Variants in ASIC2 observed in about 807,000 individuals in gnomAD.
The protein encoded by ASIC2 is acid-sensing ion channel 2.
Under a neutral mutation model 57.3 loss-of-function variants are expected in ASIC2, and 25 were observed. The observed-to-expected ratio is 0.44, with a 90% CI of 0.32 to 0.61. The LOEUF (loss-of-function observed/expected upper bound fraction) is 0.61. Ranked by LOEUF, ASIC2 falls within the 20% of genes least tolerant of loss-of-function variation. ASIC2 has a pLI of 0.06. For synonymous variants in ASIC2, 319 were observed against 307.5 expected, an observed-to-expected ratio of 1.04 and a Z score of -0.39; for missense variants, 641 against 738.1, an observed-to-expected ratio of 0.87 and a Z score of 1.52.
chr17:33,892,217 T>A lies in ASIC2; in HGVS notation c.555+263761A>T, dbSNP rs11867369. Reference sequence around the variant, plus strand: ...AAATAAATAATGTAATTTCACAGAATGGTGAGATCTGTAAAGGAAACAGAA... The same window carrying A: ...AAATAAATAATGTAATTTCACAGAAAGGTGAGATCTGTAAAGGAAACAGAA... On this transcript the variant is annotated intron_variant, in intron 1 of 9. Coordinates refer to the ASIC2 transcript ENST00000359872. Among the ~76,000 whole-genome samples, 74 of 152,194 alleles carry A rather than the reference T, an allele frequency of 4.9e-4. 3 individuals carry two copies. The highest frequency in any genetic ancestry group is 4.8e-3 in the Admixed American group (74 of 15,288).
At chr17:33,195,739 G>A (rs1030934093) in intron 1 of ASIC2, among the ~76,000 whole-genome samples, 1 of 152,172 alleles carries the variant, frequency 6.6e-6, no homozygotes, top group Non-Finnish European at 1.5e-5. Context: ...ATGGCTTGCC[G>A]AAGGTCATGC....
At chr17:33,942,005 C>T (rs546250697) in intron 1 of ASIC2, among the ~76,000 whole-genome samples, 4 of 152,256 alleles carry the variant, frequency 2.6e-5, no homozygotes, top group Admixed American at 6.5e-5. Flanking sequence ...CTAGAATATA[C>T]GTGTACCGGG....
chr17:33,870,927 G>C (rs1290266532), intron 1 of ASIC2, among the ~76,000 whole-genome samples: 1 of 152,246 alleles, frequency 6.6e-6, no homozygotes, highest in Non-Finnish European at 1.5e-5. Context: ...GAGCTAGAGA[G>C]ATAAGACCTT....
chr17:33,826,742 G>A (rs1189904821), intron 1 of ASIC2, among the ~76,000 whole-genome samples: 1 of 152,148 alleles, frequency 6.6e-6, no homozygotes, highest in Non-Finnish European at 1.5e-5. Flanking sequence ...CATGTTCTAG[G>A]GGTGGAGTAG....
At chr17:33,323,106 T>A (rs1251590941) in intron 1 of ASIC2, among the ~76,000 whole-genome samples, 1 of 152,194 alleles carries the variant, frequency 6.6e-6, no homozygotes, top group Non-Finnish European at 1.5e-5. Flanking sequence ...TTAGTACAAC[T>A]GTTTTGGAAA....
intron 1 of ASIC2, among the ~76,000 whole-genome samples, chr17:33,868,901 T>C (rs1007862640): frequency 5.3e-5 from 8 of 152,054 alleles, no homozygotes; most frequent in African/African-American, 1.9e-4. Context: ...TTGTCTCTAC[T>C]AAAAATTAAA....
chr17:33,388,123 A>AC (rs1410904788), intron 1 of ASIC2, among the ~76,000 whole-genome samples: 6 of 142,002 alleles, frequency 4.2e-5, no homozygotes, highest in African/African-American at 2.6e-5. Flanking sequence ...AACAACAACA[A>AC]AACAAACAAA....
chr17:34,121,852 T>A (rs1472234666), intron 1 of ASIC2, among the ~76,000 whole-genome samples: 1 of 152,248 alleles, frequency 6.6e-6, no homozygotes, highest in African/African-American at 2.4e-5. Context: ...CTTCTCTTGT[T>A]CACATAACAA....
At chr17:33,726,816 T>G (rs946006446) in intron 1 of ASIC2, among the ~76,000 whole-genome samples, 2 of 152,194 alleles carry the variant, frequency 1.3e-5, no homozygotes, top group East Asian at 3.8e-4. Flanking sequence ...TAAAATTATT[T>G]GGAAAGGTGT....
intron 1 of ASIC2, among the ~76,000 whole-genome samples, chr17:33,962,700 C>A (rs528627619): frequency 6.6e-6 from 1 of 152,238 alleles, no homozygotes; most frequent in African/African-American, 2.4e-5. Flanking sequence ...ATTCACCGGG[C>A]CACTGCCTGC....
intron 1 of ASIC2, among the ~76,000 whole-genome samples, chr17:34,137,593 T>C (rs1449393199): frequency 6.6e-6 from 1 of 152,214 alleles, no homozygotes; most frequent in African/African-American, 2.4e-5. Flanking sequence ...TTCTCCCCTC[T>C]GTAAGCTCCA....
chr17:33,396,452 T>G (rs1910081224), intron 1 of ASIC2, among the ~76,000 whole-genome samples: 1 of 152,222 alleles, frequency 6.6e-6, no homozygotes, highest in African/African-American at 2.4e-5. Context: ...GTATTATGAT[T>G]ATTTCCTTTA....
At chr17:33,109,793 T>C (rs1163696145) in intron 2 of ASIC2, among the ~76,000 whole-genome samples, 1 of 152,240 alleles carries the variant, frequency 6.6e-6, no homozygotes, top group East Asian at 1.9e-4. Context: ...GGTTCAGCTA[T>C]GAACTCACTG....
intron 1 of ASIC2, among the ~76,000 whole-genome samples, chr17:33,544,398 A>G (rs1418510600): frequency 2.0e-5 from 3 of 152,194 alleles, no homozygotes; most frequent in Non-Finnish European, 2.9e-5. Context: ...CTCCTGGGTA[A>G]ATACCCACGA....
At chr17:33,295,517 C>T (rs1905687326), upstream of ASIC2, among the ~76,000 whole-genome samples, 2 of 152,204 alleles carry the variant, frequency 1.3e-5, no homozygotes, top group Non-Finnish European at 2.9e-5. Flanking sequence ...CCTTGATTCT[C>T]CCAGACAAAC....
chr17:33,888,087 A>G (rs1268833422), intron 1 of ASIC2, among the ~76,000 whole-genome samples: 1 of 152,148 alleles, frequency 6.6e-6, no homozygotes, highest in African/African-American at 2.4e-5. Context: ...TTTTTTACTT[A>G]CAATATTTTT....
intron 1 of ASIC2, among the ~76,000 whole-genome samples, chr17:33,316,144 A>G (rs1906636077): frequency 6.6e-6 from 1 of 152,226 alleles, no homozygotes; most frequent in Non-Finnish European, 1.5e-5. Flanking sequence ...GGGAGTGTCT[A>G]AACTAATGAG....
At chr17:34,135,765 A>C (rs1253545741) in intron 1 of ASIC2, among the ~76,000 whole-genome samples, 3 of 152,218 alleles carry the variant, frequency 2.0e-5, no homozygotes, top group Non-Finnish European at 4.4e-5. Context: ...CACTAAAGGC[A>C]GGACTTGTAT....
intron 3 of ASIC2, among the ~76,000 whole-genome samples, chr17:33,085,293 A>G (rs1448810740): frequency 6.6e-6 from 1 of 152,220 alleles, no homozygotes; most frequent in Admixed American, 6.5e-5. Flanking sequence ...ATGCACCATG[A>G]TTTTATGTAT....
Sources: gnomAD v4.1 joint callset for allele counts (sites outside exome capture counted in the v4.1 genomes callset) on GRCh38, gnomAD v4.1.1 for gene constraint, MANE v1.5 for transcripts, NCBI Gene and HGNC (gene_info 2026-07-23, HGNC 2026-07-21) for gene names.